CHIC2: variants seen among roughly 807,000 people sequenced by gnomAD.
CHIC2 encodes cysteine-rich hydrophobic domain-containing protein 2.
CHIC2 carries 14 observed loss-of-function variants against 25.9 expected under a neutral mutation model. The observed-to-expected ratio is 0.54, with a 90% confidence interval of 0.36 to 0.85. The LOEUF (loss-of-function observed/expected upper bound fraction) is 0.85, where lower values mean the gene tolerates loss of function less well. Among genes scored for constraint, CHIC2 ranks in the 40% least tolerant of loss-of-function variants. The probability of loss-of-function intolerance (pLI) is 0.01; values close to 1 mark genes in which losing one functional copy is unlikely to be tolerated. For missense variants in CHIC2, 146 were observed against 202.0 expected (o/e 0.72, Z 1.68); for synonymous variants, 70 against 72.0 (o/e 0.97, Z 0.14).
At chr4:54,033,708 T>C (rs889663946) in intron 3 of CHIC2, among the ~76,000 whole-genome samples, 2 of 152,312 alleles carry the variant, frequency 1.3e-5, no homozygotes, top group East Asian at 1.9e-4. Flanking sequence ...ATGTACAGAT[T>C]GAAGGATTTT....
At chr4:54,032,221 A>G (rs1209242098) in intron 3 of CHIC2, among the ~76,000 whole-genome samples, 1 of 152,084 alleles carries the variant, frequency 6.6e-6, no homozygotes, top group Non-Finnish European at 1.5e-5. Flanking sequence ...TATAAAGGAG[A>G]TAAGACAACT....
chr4:54,080,942 GTATATATATATATATATATATATA>G, the CHIC2 span, among the ~76,000 whole-genome samples: 2,023 of 101,160 alleles, frequency 0.02, 63 homozygotes, highest in African/African-American at 0.062. Flanking sequence ...ATGTGTGTGT[GTATATATATATATATATATATATA>G]TATATATATA....
At chr4:54,084,182 G>A in the CHIC2 span, among the ~76,000 whole-genome samples, 8 of 152,186 alleles carry the variant, frequency 5.3e-5, no homozygotes, top group South Asian at 6.2e-4. Context: ...TGCCCAGCCC[G>A]GGGTCTAGTC....
chr4:54,013,775 G>T, intron 5 of CHIC2, 62 bp downstream of exon 5: 1 of 1,518,912 alleles, frequency 6.6e-7, no homozygotes, highest in Non-Finnish European at 9.1e-7. Flanking sequence ...GAAAGAATAA[G>T]ATCAGAAGCA....
At chr4:54,026,076 T>C (rs775054986) in intron 3 of CHIC2, among the ~76,000 whole-genome samples, 13 of 152,088 alleles carry the variant, frequency 8.5e-5, no homozygotes, top group Non-Finnish European at 1.6e-4. Flanking sequence ...TACTTTCTTT[T>C]TACATATGAA....
intron 3 of CHIC2, among the ~76,000 whole-genome samples, chr4:54,031,619 T>A (rs1716231363): frequency 7.2e-6 from 1 of 138,588 alleles, no homozygotes; most frequent in Admixed American, 7.1e-5. Flanking sequence ...TGCTTTTTTT[T>A]TTTTTTTTTT....
chr4:54,010,147 T>G lies in CHIC2; in HGVS notation c.448-2A>C. ...TGGTAAAAATTCTATGAGGATGACCTGTAAAAGGAGAAGAAAAAGGTTTTA... is the reference window on the plus strand; with the variant it reads ...TGGTAAAAATTCTATGAGGATGACCGGTAAAAGGAGAAGAAAAAGGTTTTA... On this transcript the variant is annotated splice_acceptor_variant, in intron 5 of 5. Coordinates refer to ENST00000263921, the MANE Select transcript of CHIC2 (RefSeq NM_012110.4). LOFTEE classifies it high-confidence loss of function. 3 of 1,601,268 alleles carry G rather than the reference T, an allele frequency of 1.9e-6. No individual in the cohort carries two copies. Among genetic ancestry groups the G allele is most frequent in the Non-Finnish European group, 2.6e-6 (3 of 1,169,990 alleles).
rs1433406897 is a variant in CHIC2, at chr4:54,048,958, T to C, written c.327A>G (p.Lys109=). 1.3e-6 allele frequency: 2 copies of C among 1,544,912 alleles called. No individual in the cohort carries two copies. Among genetic ancestry groups the C allele is most frequent in the Non-Finnish European group, 1.7e-6 (2 of 1,146,220 alleles). ...CSMWPVICLS[K]RTRRSIEKLL... is the part of the protein sequence containing the mutation. ...TAAAATATATAATTCAACTTACTCT[T>C]TTACTGAGGCAAATAACTGGCCACA... is the stretch of plus-strand genomic sequence containing the variant. The change falls in exon 3 of 6, where the codon AAA becomes AAG. Residue 109 remains lysine, a synonymous_variant. Transcript: ENST00000263921.
chr4:54,078,620 A>G, the CHIC2 span, among the ~76,000 whole-genome samples: 1 of 151,996 alleles, frequency 6.6e-6, no homozygotes, highest in Non-Finnish European at 1.5e-5. Context: ...GGTTCAAGCG[A>G]TTATCTGGCC....
chr4:54,036,710 G>A (rs1290344579), intron 3 of CHIC2, among the ~76,000 whole-genome samples: 7 of 151,988 alleles, frequency 4.6e-5, no homozygotes, highest in African/African-American at 1.5e-4. Flanking sequence ...ACAGTACCAT[G>A]AGATCATAAA....
At chr4:54,013,487 G>T (rs1057492512) in intron 5 of CHIC2, among the ~76,000 whole-genome samples, 14 of 152,040 alleles carry the variant, frequency 9.2e-5, no homozygotes, top group African/African-American at 3.4e-4. Context: ...AACTTGATTA[G>T]CATTATATAA....
intron 1 of CHIC2, among the ~76,000 whole-genome samples, chr4:54,049,650 T>G (rs972176675): frequency 2.6e-5 from 4 of 152,216 alleles, no homozygotes; most frequent in Non-Finnish European, 5.9e-5. Flanking sequence ...GGATAGCGAT[T>G]TTTTCCAGCT....
chr4:54,017,201 C>A lies in CHIC2; in HGVS notation c.331-3082G>T, dbSNP rs1340587422. ...GAACTCTACACTTGCTAACTGTGGA[C>A]AAGCAAATCTAATCATATAACAACC... On this transcript the variant is annotated intron_variant, in intron 3 of 5. Transcript: ENST00000263921. Among the ~76,000 whole-genome samples, 5 of 150,404 alleles carry A rather than the reference C, an allele frequency of 3.3e-5. No homozygotes were observed. The East Asian group carries it at 9.7e-4, about 29-fold the overall frequency.
At chr4:54,065,381 C>T (rs1351951100), upstream of CHIC2, 1 of 919,542 alleles carries the variant, frequency 1.1e-6, no homozygotes, top group Non-Finnish European at 1.3e-6. Flanking sequence ...TTGTTGTTTC[C>T]TTAAAATCTT....
At chr4:54,068,044 T>G (rs1717553682), upstream of CHIC2, among the ~76,000 whole-genome samples, 1 of 151,914 alleles carries the variant, frequency 6.6e-6, no homozygotes, top group African/African-American at 2.4e-5. Context: ...ATGGAATTTG[T>G]GCCCTTACAA....
At position 54,058,889 on chromosome 4, in the gene CHIC2, T is replaced by C. The variant is rs186515205; in HGVS notation, c.119+5293A>G. ...TGATTAGTATCATAATAATTACATA[T>C]AATTTACTTTTCACCATTTAATCCC... is the stretch of plus-strand genomic sequence containing the variant. On this transcript the variant is annotated intron_variant, in intron 1 of 5. Transcript: ENST00000263921. 7.2e-5 allele frequency among the ~76,000 whole-genome samples: 11 copies of C among 152,260 alleles called. No homozygotes were observed. In the East Asian group the frequency reaches 1.7e-3, roughly 24 times the overall value.
chr4:54,063,729 A>C (rs1717405894), intron 1 of CHIC2, among the ~76,000 whole-genome samples: 1 of 152,248 alleles, frequency 6.6e-6, no homozygotes, highest in African/African-American at 2.4e-5. Context: ...TGTGAAATAG[A>C]CACGAAACGG....
At chr4:54,080,981 T>TATAA in the CHIC2 span, among the ~76,000 whole-genome samples, 1 of 113,174 alleles carries the variant, frequency 8.8e-6, no homozygotes, top group Non-Finnish European at 1.8e-5. Flanking sequence ...TATATATATA[T>TATAA]ATATAAAATC....
intron 1 of CHIC2, among the ~76,000 whole-genome samples, chr4:54,050,195 C>T (rs1490556990): frequency 1.3e-5 from 2 of 152,046 alleles, no homozygotes; most frequent in Non-Finnish European, 2.9e-5. Flanking sequence ...AGAAATCACA[C>T]ACGAGACCAA....
Sources: gnomAD v4.1 joint callset for allele counts (sites outside exome capture counted in the v4.1 genomes callset) on GRCh38, gnomAD v4.1.1 for gene constraint, MANE v1.5 for transcripts, NCBI Gene and HGNC (gene_info 2026-07-23, HGNC 2026-07-21) for gene names.